The following DEFB121 variants were observed in gnomAD, a reference collection of about 807,000 sequenced individuals.
The protein encoded by DEFB121 is beta-defensin 121.
Under a neutral mutation model 2.5 loss-of-function variants are expected in DEFB121, and 5 were observed. The ratio of observed to expected loss-of-function variants is 1.96; its 90% CI spans 1.03 to 4.13. The LOEUF is 4.13. DEFB121 is among the 30% of genes most tolerant of loss of function. The pLI is 0.00. For missense variants in DEFB121, 87 were observed against 85.0 expected (o/e 1.02, Z -0.09); for synonymous variants, 39 against 32.6 (o/e 1.20, Z -0.67).
chr20:31,411,710 G>T (rs1213789974), intron 1 of DEFB121, among the ~76,000 whole-genome samples: 1 of 152,236 alleles, frequency 6.6e-6, no homozygotes, highest in Non-Finnish European at 1.5e-5. Context: ...AGTAGAGAAA[G>T]GTTGGTACTG....
At chr20:31,410,980 C>T (rs1320818160), upstream of DEFB121, among the ~76,000 whole-genome samples, 1 of 152,190 alleles carries the variant, frequency 6.6e-6, no homozygotes, top group Non-Finnish European at 1.5e-5. Context: ...TTGAGATCTA[C>T]TTCCCTTCTT....
chr20:31,407,014 G>A (rs867371150), upstream of DEFB121, among the ~76,000 whole-genome samples: 24 of 152,216 alleles, frequency 1.6e-4, no homozygotes, highest in Middle Eastern at 0.01. Flanking sequence ...TTGGGAGGCC[G>A]AGGCAGGCGG....
upstream of DEFB121, among the ~76,000 whole-genome samples, chr20:31,415,056 G>A (rs1298393172): frequency 6.6e-6 from 1 of 152,126 alleles, no homozygotes. Context: ...GACAGAGTCA[G>A]ACCCTGTCTC....
upstream of DEFB121, among the ~76,000 whole-genome samples, chr20:31,415,708 C>G (rs1437996604): frequency 6.6e-6 from 1 of 152,040 alleles, no homozygotes; most frequent in Non-Finnish European, 1.5e-5. Flanking sequence ...CCAGGGCATT[C>G]AGGGAGGGGT....
At chr20:31,408,204 GAGGCTA>G (rs1009849780), upstream of DEFB121, among the ~76,000 whole-genome samples, 7 of 152,190 alleles carry the variant, frequency 4.6e-5, no homozygotes, top group African/African-American at 1.7e-4. Flanking sequence ...CACAATTCGG[GAGGCTA>G]AGGCAGGAGG....
At chr20:31,418,121 G>A in the DEFB121 span, among the ~76,000 whole-genome samples, 6 of 146,168 alleles carry the variant, frequency 4.1e-5, no homozygotes, top group East Asian at 4.1e-4. Flanking sequence ...TTAGCCGGGC[G>A]TAGTGGCGGG....
At chr20:31,408,667 C>T (rs571712047), upstream of DEFB121, among the ~76,000 whole-genome samples, 99 of 152,218 alleles carry the variant, frequency 6.5e-4, no homozygotes, top group African/African-American at 2.3e-3. Flanking sequence ...TATTTATAGA[C>T]ACTCAAGTTT....
At chr20:31,408,651 A>G (rs1978564080), upstream of DEFB121, among the ~76,000 whole-genome samples, 1 of 152,238 alleles carries the variant, frequency 6.6e-6, no homozygotes, top group Non-Finnish European at 1.5e-5. Flanking sequence ...GTATTCCAAT[A>G]AAACTTATTT....
At chr20:31,412,578 C>T (rs1429148393) in intron 1 of DEFB121, 1 of 1,277,860 alleles carries the variant, frequency 7.8e-7, no homozygotes, top group Admixed American at 2.3e-5. Context: ...TAGAGGAAAG[C>T]CTCTGACAAC....
At chr20:31,413,258 G>A (rs1329938430), upstream of DEFB121, among the ~76,000 whole-genome samples, 1 of 152,198 alleles carries the variant, frequency 6.6e-6, no homozygotes, top group African/African-American at 2.4e-5. Flanking sequence ...TGAGGAAAAT[G>A]GGAAACAAGT....
At position 31,404,973 on chromosome 20, in the gene DEFB121, T is replaced by C; in HGVS notation, c.171A>G (p.Val57=). 3 of 1,613,942 alleles carry C rather than the reference T, an allele frequency of 1.9e-6. No individual in the cohort carries two copies. The highest frequency in any genetic ancestry group is 2.5e-6 in the Non-Finnish European group (3 of 1,179,988). The change falls in exon 2 of 2, where the codon GTA becomes GTG. Residue 57 remains valine, a synonymous_variant. Coordinates refer to ENST00000376314, the MANE Select transcript of DEFB121 (RefSeq NM_001011878.3). ...EAKCCVDPKY[V]PVKPKLTDTN... Reference sequence around the variant, plus strand: ...TGTCTGTTAATTTTGGTTTTACAGGTACATACTTGGGATCCACACAGCACT... The same window carrying C: ...TGTCTGTTAATTTTGGTTTTACAGGCACATACTTGGGATCCACACAGCACT...
At chr20:31,405,985 A>T in intron 1 of DEFB121, 110 bp downstream of exon 1, 1 of 1,221,682 alleles carries the variant, frequency 8.2e-7, no homozygotes, top group Non-Finnish European at 1.2e-6. Flanking sequence ...TAAAGGCCTC[A>T]ATGAGCTCTA....
upstream of DEFB121, among the ~76,000 whole-genome samples, chr20:31,415,015 C>G (rs1376864920): frequency 3.3e-5 from 5 of 152,076 alleles, no homozygotes; most frequent in East Asian, 9.6e-4. Flanking sequence ...TGCAGTGAGC[C>G]GTGCTTGTGC....
At chr20:31,417,939 G>C in the DEFB121 span, among the ~76,000 whole-genome samples, 1 of 151,586 alleles carries the variant, frequency 6.6e-6, no homozygotes, top group Admixed American at 6.6e-5. Context: ...CTTCAGCCTG[G>C]GCGACAAGAG....
upstream of DEFB121, among the ~76,000 whole-genome samples, chr20:31,407,834 G>A (rs761111710): frequency 7.2e-5 from 11 of 152,096 alleles, no homozygotes; most frequent in East Asian, 1.9e-4. Context: ...CTGGAGTGCC[G>A]TGGCACCATC....
chr20:31,417,792 G>A (rs6087469), upstream of DEFB121, among the ~76,000 whole-genome samples: 65,643 of 151,554 alleles, frequency 0.43, 16,726 homozygotes, highest in East Asian at 0.74. Flanking sequence ...GTGAAACCCC[G>A]TCTCTACTAA....
upstream of DEFB121, among the ~76,000 whole-genome samples, chr20:31,408,702 C>A (rs1459103423): frequency 6.6e-6 from 1 of 152,174 alleles, no homozygotes; most frequent in African/African-American, 2.4e-5. Context: ...TTTCACATCT[C>A]TAAATGAAAT....
chr20:31,417,520 A>G (rs1600536360), upstream of DEFB121, among the ~76,000 whole-genome samples: 2 of 152,226 alleles, frequency 1.3e-5, no homozygotes, highest in East Asian at 3.8e-4. Context: ...TAAGTAGACC[A>G]GAAACAGGGA....
At chr20:31,415,480 C>T (rs766715059), upstream of DEFB121, among the ~76,000 whole-genome samples, 1 of 152,098 alleles carries the variant, frequency 6.6e-6, no homozygotes, top group Admixed American at 6.5e-5. Context: ...AAACTCTTGA[C>T]CTCAGGTGAT....
Sources: allele counts gnomAD v4.1 joint callset (sites outside exome capture counted in the v4.1 genomes callset), GRCh38; gene constraint gnomAD v4.1.1; transcripts MANE v1.5; gene names NCBI Gene and HGNC (gene_info 2026-07-23, HGNC 2026-07-21).